Variants in CLCNKA observed in about 807,000 individuals in gnomAD.
CLCNKA encodes the protein chloride channel protein ClC-Ka.
In CLCNKA, 66 loss-of-function variants were observed where a neutral mutation model predicts 83.3. The ratio of observed to expected loss-of-function variants is 0.79; its 90% CI spans 0.65 to 0.97. CLCNKA has a LOEUF of 0.97. Ranked by LOEUF, CLCNKA falls within the 50% of genes least tolerant of loss-of-function variation. The pLI, the probability that CLCNKA is intolerant of heterozygous loss-of-function variation, is 0.00. For synonymous variants in CLCNKA, 357 were observed against 370.4 expected, an observed-to-expected ratio of 0.96 and a Z score of 0.42; for missense variants, 806 against 888.7, an observed-to-expected ratio of 0.91 and a Z score of 1.18.
chr1:16,025,296 G>A (rs772701702), intron 4 of CLCNKA, among the ~76,000 whole-genome samples: 5 of 152,332 alleles, frequency 3.3e-5, no homozygotes, highest in South Asian at 2.1e-4. Context: ...TGGGAGGAAC[G>A]TGGACAACTC....
intron 14 of CLCNKA, 145 bp downstream of exon 14, chr1:16,030,220 GAGC>G (rs1226044872): frequency 2.7e-6 from 2 of 746,976 alleles, no homozygotes; most frequent in Non-Finnish European, 4.4e-6. Context: ...TGTCCCTCCT[GAGC>G]CCCACCATTC....
At chr1:16,032,601 G>T in intron 18 of CLCNKA, 75 bp downstream of exon 18, 1 of 1,187,090 alleles carries the variant, frequency 8.4e-7, no homozygotes, top group Non-Finnish European at 1.3e-6. Context: ...TCAGGCTCCA[G>T]CCTCCCGTCC....
Position 16,026,579 on chromosome 1 carries a change from G to A in CLCNKA, c.542G>A (p.Gly181Asp). Residue 181 changes from glycine (G) to aspartate (D), a missense_variant, in exon 6 of 20, where the codon GGC (glycine) becomes GAC (aspartate). Physicochemically the swap from Gly to Asp is moderately conservative, Grantham distance 94. Coordinates refer to ENST00000331433, the MANE Select transcript of CLCNKA (RefSeq NM_004070.4). ...TCTGTAATGATCGCTGCCTACCTGG[G>A]CCGTGTGCGCACCACGACCATCGGG... ...HLSVMIAAYLGRVRTTTIGEP... is the reference protein window; with the variant it reads ...HLSVMIAAYLDRVRTTTIGEP... 1 of 1,614,082 alleles carries A rather than the reference G, an allele frequency of 6.2e-7. No homozygotes were observed. Among genetic ancestry groups the A allele is most frequent in the Non-Finnish European group, 8.5e-7 (1 of 1,180,024 alleles).
chr1:16,026,166 G>A lies in CLCNKA; in HGVS notation c.417G>A (p.Leu139=). Residue 139 remains leucine (L), a synonymous_variant, in exon 5 of 20, where the codon CTG becomes CTA. Coordinates refer to ENST00000331433, the MANE Select transcript of CLCNKA (RefSeq NM_004070.4). The part of the protein sequence containing the change: ...MLAGVILEDY[L]DIKNFGAKVV... The stretch of plus-strand genomic sequence containing the variant: ...CGGGTGTGATCTTGGAGGACTACCT[G>A]GATATCAAGAACTTTGGGGCCAAGG... 1 of 1,613,694 alleles carries A rather than the reference G, an allele frequency of 6.2e-7. No homozygotes were observed. Among genetic ancestry groups the A allele is most frequent in the Non-Finnish European group, 8.5e-7 (1 of 1,180,018 alleles).
At chr1:16,026,073 T>C (rs767295101) in intron 4 of CLCNKA, 35 bp from the exon 5 acceptor site, 2 of 1,611,926 alleles carry the variant, frequency 1.2e-6, no homozygotes, top group South Asian at 1.1e-5. Context: ...AATCTAGAGA[T>C]TGTCCCCTGC....
At chr1:16,031,914 G>A in intron 16 of CLCNKA, 71 bp downstream of exon 16, 2 of 1,605,442 alleles carry the variant, frequency 1.2e-6, no homozygotes, top group South Asian at 2.2e-5. Context: ...AACCTGTCAG[G>A]CAGACAGGAT....
At chr1:16,029,943 C>T in intron 13 of CLCNKA, 22 bp from the exon 14 acceptor site, 3 of 1,605,194 alleles carry the variant, frequency 1.9e-6, no homozygotes, top group Non-Finnish European at 2.6e-6. Context: ...CTGGCTCCCC[C>T]TCACCCTAAG....
Position 16,032,598 on chromosome 1 carries a change from C to G in CLCNKA, c.1929+72C>G. 2.5e-6 allele frequency: 3 copies of G among 1,217,762 alleles called. No individual in the cohort carries two copies. The Admixed American group carries it at 5.1e-5, about 21-fold the overall frequency. The allele number at this position is 1,217,762 out of a possible 1,614,324, so 75.4% of individuals were successfully genotyped here. Reference sequence around the variant, plus strand: ...CAAGAGCTGATGAGGAGCTCAGGCTCCAGCCTCCCGTCCCAACCCCGCCCC... The same window carrying G: ...CAAGAGCTGATGAGGAGCTCAGGCTGCAGCCTCCCGTCCCAACCCCGCCCC... On this transcript the variant is annotated intron_variant, in intron 18 of 19. Coordinates refer to ENST00000331433, the MANE Select transcript of CLCNKA (RefSeq NM_004070.4).
intron 2 of CLCNKA, 127 bp from the exon 3 acceptor site, chr1:16,023,673 C>A: frequency 2.8e-6 from 3 of 1,089,176 alleles, no homozygotes; most frequent in Admixed American, 2.0e-5. Context: ...CAGGCGGGGC[C>A]CCCTCAGGAC....
intron 4 of CLCNKA, 57 bp from the exon 5 acceptor site, chr1:16,026,051 G>A: frequency 6.2e-7 from 1 of 1,610,522 alleles, no homozygotes; most frequent in South Asian, 1.1e-5. Flanking sequence ...ACTGCGCCTG[G>A]CAGAGAGTTT....
chr1:16,033,371 G>A, intron 19 of CLCNKA, 115 bp downstream of exon 19: 1 of 1,229,638 alleles, frequency 8.1e-7, no homozygotes, highest in Non-Finnish European at 1.2e-6. Flanking sequence ...GGGATTCAGA[G>A]GATACTTATG....
intron 11 of CLCNKA, 41 bp from the exon 12 acceptor site, chr1:16,029,085 G>C (rs747146696): frequency 1.0e-5 from 14 of 1,348,200 alleles, no homozygotes; most frequent in Middle Eastern, 2.4e-4. Context: ...CTGCCGCTGG[G>C]GGGGGCCCCT....
At position 16,030,475 on chromosome 1, in the gene CLCNKA, T is replaced by G. The variant is rs577526057; in HGVS notation, c.1423T>G (p.Ser475Ala). 6 of 1,612,770 alleles carry G rather than the reference T, an allele frequency of 3.7e-6. No homozygotes were observed. In the African/African-American group the frequency reaches 6.7e-5, roughly 18 times the overall value. ...TGCCCCGGCAGGGGCTGCAGCCTTCTCAGGGGCTGTGACCCACACCATCTC... is the reference window on the plus strand; with the variant it reads ...TGCCCCGGCAGGGGCTGCAGCCTTCGCAGGGGCTGTGACCCACACCATCTC... ...GYALAGAAAF[S>A]GAVTHTISTA... is the part of the protein sequence containing the mutation. Residue 475 changes from serine to alanine, a missense_variant, in exon 15 of 20, where the codon TCA (serine) becomes GCA (alanine). Coordinates refer to ENST00000331433, the MANE Select transcript of CLCNKA (RefSeq NM_004070.4).
Position 16,033,809 on chromosome 1 carries a change from A to T in CLCNKA, c.*151A>T. On this transcript the variant is annotated 3_prime_UTR_variant, in exon 20 of 20. Coordinates refer to ENST00000331433, the MANE Select transcript of CLCNKA (RefSeq NM_004070.4). Reference sequence around the variant, plus strand: ...ACAGGCAACTCTAACCTAGCCCAGAAGAGGATGGCTCATCCTGGGTGGGAC... The same window carrying T: ...ACAGGCAACTCTAACCTAGCCCAGATGAGGATGGCTCATCCTGGGTGGGAC... The T allele has an allele frequency of 1.2e-6, 1 of 802,488 alleles. No homozygotes were observed. The highest frequency in any genetic ancestry group is 2.1e-6 in the Non-Finnish European group (1 of 467,254). 49.7% of individuals were successfully genotyped at this position (802,488 alleles called of 1,614,324 possible). A position where few individuals can be genotyped will look rare whatever the true frequency, so the allele number is the denominator to read the frequency against.
chr1:16,026,719 T>C lies in CLCNKA; in HGVS notation c.599T>C (p.Met200Thr). The change falls in exon 7 of 20, where the codon ATG becomes ACG. Residue 200 changes from methionine (M) to threonine (T), a missense_variant. By Grantham distance (81) the Met-to-Thr change is moderately conservative. Coordinates refer to ENST00000331433, the MANE Select transcript of CLCNKA (RefSeq NM_004070.4). ...CAGAACAAGAGCAAGCAAAACGAAA[T>C]GCTGGTGGCAGCGGCGGCAGTGGGC... ...EPENKSKQNEMLVAAAAVGVA... is the reference protein window; with the variant it reads ...EPENKSKQNETLVAAAAVGVA... 1 of 1,613,764 alleles carries C rather than the reference T, an allele frequency of 6.2e-7. No homozygotes were observed.
intron 4 of CLCNKA, 70 bp downstream of exon 4, chr1:16,024,961 G>A (rs1468056121): frequency 6.3e-7 from 1 of 1,594,308 alleles, no homozygotes. Flanking sequence ...CTTCTGATGG[G>A]GGGAATCGGG....
At chr1:16,026,428 G>T in intron 5 of CLCNKA, 108 bp from the exon 6 acceptor site, 1 of 1,524,542 alleles carries the variant, frequency 6.6e-7, no homozygotes, top group Non-Finnish European at 9.0e-7. Context: ...CCTGAGGACA[G>T]CCCTGGGGGT....
At position 16,022,644 on chromosome 1, in the gene CLCNKA, G is replaced by GA. The variant is rs1433127714; in HGVS notation, c.26dup (p.Phe11LeufsTer182). 8.3e-6 allele frequency: 13 copies of GA among 1,568,438 alleles called. No individual in the cohort carries two copies. Among genetic ancestry groups the GA allele is most frequent in the Non-Finnish European group, 1.1e-5 (13 of 1,156,364 alleles). On this transcript the variant is annotated frameshift_variant, in exon 2 of 20. Coordinates refer to ENST00000331433, the MANE Select transcript of CLCNKA (RefSeq NM_004070.4). LOFTEE classifies it high-confidence loss of function. ...GATGGAGGAGTTGGTGGGGCTGCGTGAGGGCTTCTCAGGGGACCCTGTGAC... is the reference window on the plus strand; with the variant it reads ...GATGGAGGAGTTGGTGGGGCTGCGTGAAGGGCTTCTCAGGGGACCCTGTGAC...
intron 14 of CLCNKA, among the ~76,000 whole-genome samples, 161 bp downstream of exon 14, chr1:16,030,236 CG>C (rs945498775): frequency 6.6e-6 from 1 of 152,180 alleles, no homozygotes; most frequent in Admixed American, 6.5e-5. Context: ...CACCATTCCC[CG>C]GGGCCCATCA....
Sources: gnomAD v4.1 joint callset for allele counts (sites outside exome capture counted in the v4.1 genomes callset) on GRCh38, gnomAD v4.1.1 for gene constraint, MANE v1.5 for transcripts, NCBI Gene and HGNC (gene_info 2026-07-23, HGNC 2026-07-21) for gene names.